The following SNTG1 variants were observed in gnomAD, a reference collection of about 807,000 sequenced individuals.
SNTG1 encodes the protein syntrophin gamma 1.
SNTG1 carries 39 observed loss-of-function variants against 74.7 expected under a neutral mutation model. The observed-to-expected ratio is 0.52, with a 90% confidence interval of 0.40 to 0.68. SNTG1 has a LOEUF of 0.68. Ranked by LOEUF, SNTG1 falls within the 30% of genes least tolerant of loss-of-function variation. The pLI is 0.00. For synonymous variants in SNTG1, 254 were observed against 217.1 expected (o/e 1.17, Z -1.49); for missense variants, 685 against 609.5 (o/e 1.12, Z -1.30).
chr8:50,401,214 T>A lies in SNTG1; in HGVS notation c.28-996T>A, dbSNP rs555457985. On this transcript the variant is annotated intron_variant, in intron 3 of 18. Transcript: ENST00000642720. ...AATGTCATTTCCAAAGTGGTCATTA[T>A]TCCTATGGACTTTTTGGTGCCGAAT... Among the ~76,000 whole-genome samples, 5 of 152,282 alleles carry A rather than the reference T, an allele frequency of 3.3e-5. No homozygotes were observed. In the East Asian group the frequency reaches 9.7e-4, roughly 29 times the overall value.
intron 13 of SNTG1, among the ~76,000 whole-genome samples, chr8:50,618,533 C>T (rs1472160996): frequency 6.6e-6 from 1 of 152,204 alleles, no homozygotes; most frequent in Non-Finnish European, 1.5e-5. Flanking sequence ...TAAAACAGCA[C>T]ACATTACATA....
In SNTG1 at chr8:50,250,854, G is replaced by C. The variant is rs574667192; in HGVS notation, c.-28+78219G>C. On this transcript the variant is annotated intron_variant, in intron 2 of 18. Coordinates refer to ENST00000642720, the MANE Select transcript of SNTG1 (RefSeq NM_018967.5). Reference sequence around the variant, plus strand: ...GACCTTATTAGAAATGCTAAAAAAGGAAACAAAAGGATAATAATTAATATT... The same window carrying C: ...GACCTTATTAGAAATGCTAAAAAAGCAAACAAAAGGATAATAATTAATATT... Among the ~76,000 whole-genome samples the C allele has an allele frequency of 6.0e-4, 91 of 151,992 alleles. 1 individual carries two copies. The highest frequency in any genetic ancestry group is 2.6e-3 in the Admixed American group (39 of 15,254).
Position 50,008,613 on chromosome 8 carries a change from T to C in SNTG1, c.-103+96382T>C, listed in dbSNP as rs1249551481. 3.3e-5 allele frequency among the ~76,000 whole-genome samples: 5 copies of C among 152,222 alleles called. No individual in the cohort carries two copies. In the South Asian group the frequency reaches 8.3e-4, roughly 25 times the overall value. ...GATGTATGATGGATAGACAAATGGATGGATAGGAAACTGGGTGGATAAGAA... is the reference window on the plus strand; with the variant it reads ...GATGTATGATGGATAGACAAATGGACGGATAGGAAACTGGGTGGATAAGAA... On this transcript the variant is annotated intron_variant, in intron 1 of 18. Transcript: ENST00000642720.
At chr8:50,046,640 C>A (rs550669624) in intron 1 of SNTG1, among the ~76,000 whole-genome samples, 2 of 151,978 alleles carry the variant, frequency 1.3e-5, no homozygotes, top group Non-Finnish European at 2.9e-5. Flanking sequence ...ATTAAATGAA[C>A]CTAAAACAAA....
At chr8:50,343,376 A>T (rs1386698352) in intron 2 of SNTG1, among the ~76,000 whole-genome samples, 1 of 152,222 alleles carries the variant, frequency 6.6e-6, no homozygotes, top group African/African-American at 2.4e-5. Context: ...AGTTTATAAA[A>T]CTGTATTTTA....
intron 13 of SNTG1, among the ~76,000 whole-genome samples, chr8:50,651,003 T>A (rs4642665): frequency 0.21 from 32,200 of 152,082 alleles, 3,783 homozygotes; most frequent in African/African-American, 0.3. Flanking sequence ...GCCTGGCCTC[T>A]CATTTAAATT....
At chr8:50,364,784 A>C (rs900803477) in intron 2 of SNTG1, among the ~76,000 whole-genome samples, 3 of 152,130 alleles carry the variant, frequency 2.0e-5, no homozygotes, top group African/African-American at 7.2e-5. Flanking sequence ...TTAGGTCAGC[A>C]AACTATTTCT....
intron 2 of SNTG1, among the ~76,000 whole-genome samples, chr8:50,232,712 A>G (rs756199353): frequency 1.5e-4 from 23 of 151,520 alleles, no homozygotes; most frequent in Non-Finnish European, 3.3e-4. Flanking sequence ...ACTTCCTAGA[A>G]CTAATAAGTA....
At chr8:50,751,257 T>A (rs2095566690) in intron 17 of SNTG1, among the ~76,000 whole-genome samples, 1 of 152,060 alleles carries the variant, frequency 6.6e-6, no homozygotes, top group Admixed American at 6.6e-5. Flanking sequence ...TTTGGTGTTT[T>A]ACTTTGGACA....
intron 1 of SNTG1, among the ~76,000 whole-genome samples, chr8:49,965,651 A>T (rs1464256618): frequency 6.6e-6 from 1 of 152,008 alleles, no homozygotes; most frequent in Non-Finnish European, 1.5e-5. Flanking sequence ...GATTGCTCCA[A>T]CCTCTCTAGC....
chr8:50,005,302 G>A (rs1815112671), intron 1 of SNTG1, among the ~76,000 whole-genome samples: 1 of 151,706 alleles, frequency 6.6e-6, no homozygotes, highest in African/African-American at 2.4e-5. Flanking sequence ...CAAAATGCAG[G>A]AATTTTTTAA....
chr8:50,309,007 T>G lies in SNTG1; in HGVS notation c.-27-85205T>G, dbSNP rs182619920. The stretch of plus-strand genomic sequence containing the variant: ...AGATGACTTTGAAAGGCTTTCCTGA[T>G]AGAACACAAATGTGTCTTCCCAAAT... On this transcript the variant is annotated intron_variant, in intron 2 of 18. Transcript: ENST00000642720. Among the ~76,000 whole-genome samples the G allele has an allele frequency of 2.1e-3, 313 of 152,308 alleles. 2 individuals carry two copies. Among genetic ancestry groups the G allele is most frequent in the African/African-American group, 7.1e-3 (295 of 41,572 alleles).
chr8:50,454,967 TG>T (rs1448038284), intron 8 of SNTG1, among the ~76,000 whole-genome samples: 1 of 152,148 alleles, frequency 6.6e-6, no homozygotes, highest in Non-Finnish European at 1.5e-5. Context: ...GTAACCTTAT[TG>T]GTATGTAGAC....
chr8:50,563,562 T>C (rs116520639), intron 12 of SNTG1, among the ~76,000 whole-genome samples: 4,761 of 152,228 alleles, frequency 0.031, 120 homozygotes, highest in African/African-American at 0.056. Context: ...TAATGAAATG[T>C]CTGATAGACA....
chr8:50,000,559 T>G (rs983217181), intron 1 of SNTG1, among the ~76,000 whole-genome samples: 1 of 152,190 alleles, frequency 6.6e-6, no homozygotes, highest in South Asian at 2.1e-4. Flanking sequence ...TAAACTTCAG[T>G]GCATAACCTG....
chr8:50,780,867 T>A (rs2095657228), intron 18 of SNTG1, among the ~76,000 whole-genome samples: 1 of 152,220 alleles, frequency 6.6e-6, no homozygotes, highest in Admixed American at 6.5e-5. Flanking sequence ...CTCTACACAC[T>A]GCTTTGAATG....
chr8:50,063,087 T>C (rs1423606678), intron 1 of SNTG1, among the ~76,000 whole-genome samples: 2 of 152,246 alleles, frequency 1.3e-5, no homozygotes, highest in Non-Finnish European at 2.9e-5. Context: ...GAAAGGATTG[T>C]CACATTGCCT....
chr8:50,309,089 AT>A (rs568363609), intron 2 of SNTG1, among the ~76,000 whole-genome samples: 42 of 152,138 alleles, frequency 2.8e-4, no homozygotes, highest in African/African-American at 9.4e-4. Context: ...TAAAAAAAAA[AT>A]TTTCTAAAGC....
chr8:50,225,252 T>C (rs867599311), intron 2 of SNTG1, among the ~76,000 whole-genome samples: 2 of 152,118 alleles, frequency 1.3e-5, no homozygotes, highest in African/African-American at 2.4e-5. Flanking sequence ...TTTTTAAGTC[T>C]GATAAGAAAC....
Sources: allele counts gnomAD v4.1 joint callset (sites outside exome capture counted in the v4.1 genomes callset), GRCh38; gene constraint gnomAD v4.1.1; transcripts MANE v1.5; gene names NCBI Gene and HGNC (gene_info 2026-07-23, HGNC 2026-07-21).